The following APBA3 variants were observed in gnomAD, a reference collection of about 807,000 sequenced individuals.
The protein encoded by APBA3 is amyloid-beta A4 precursor protein-binding family A member 3.
APBA3 carries 45 observed loss-of-function variants against 55.9 expected under a neutral mutation model. That is an observed-to-expected ratio of 0.80 (90% CI 0.63 to 1.03). The LOEUF is 1.03. Among genes scored for constraint, APBA3 ranks in the 50% least tolerant of loss-of-function variants. The pLI, the probability that APBA3 is intolerant of heterozygous loss-of-function variation, is 0.00. For synonymous variants in APBA3, 370 were observed against 353.3 expected, an observed-to-expected ratio of 1.05 and a Z score of -0.53; for missense variants, 865 against 820.3, an observed-to-expected ratio of 1.05 and a Z score of -0.67.
chr19:3,760,288 G>C lies in APBA3; in HGVS notation c.-24C>G. 1.9e-6 allele frequency: 3 copies of C among 1,558,318 alleles called. No individual in the cohort carries two copies. Among genetic ancestry groups the C allele is most frequent in the South Asian group, 1.2e-5 (1 of 86,362 alleles). Reference sequence around the variant, plus strand: ...ATGCCTGGACTCCAGGCTTAGGCCGGCATCTTCAGGCAGCTGAAAGAGAGA... The same window carrying C: ...ATGCCTGGACTCCAGGCTTAGGCCGCCATCTTCAGGCAGCTGAAAGAGAGA... On this transcript the variant is annotated 5_prime_UTR_variant, in exon 2 of 11. Transcript: ENST00000316757.
Position 3,759,775 on chromosome 19 carries a change from C to T in APBA3, c.490G>A (p.Gly164Ser). Reference sequence around the variant, plus strand: ...GGGGAACTGCTTGAGCTCCTGCTGCCCTCCTGCTCAGCAGAGGCCCCCTCC... The same window carrying T: ...GGGGAACTGCTTGAGCTCCTGCTGCTCTCCTGCTCAGCAGAGGCCCCCTCC... The part of the protein sequence containing the change: ...WVEGASAEQE[G>S]SRSSSSSPEP... The change falls in exon 2 of 11, where the codon GGC (glycine) becomes AGC (serine). Residue 164 changes from glycine (G) to serine (S), a missense_variant. Physicochemically the swap from Gly to Ser is moderately conservative, Grantham distance 56 (BLOSUM62 0). Coordinates refer to ENST00000316757, the MANE Select transcript of APBA3 (RefSeq NM_004886.4). 6.2e-7 allele frequency: 1 copy of T among 1,612,650 alleles called. No individual in the cohort carries two copies. Among genetic ancestry groups the T allele is most frequent in the Non-Finnish European group, 8.5e-7 (1 of 1,179,834 alleles).
chr19:3,750,907 A>G lies in APBA3; in HGVS notation c.*119T>C, dbSNP rs939833438. 2.0e-5 allele frequency: 25 copies of G among 1,237,330 alleles called. No homozygotes were observed. In the South Asian group the frequency reaches 2.8e-4, roughly 14 times the overall value. The allele number at this position is 1,237,330 out of a possible 1,614,324, so 76.6% of individuals were successfully genotyped here. A position where few individuals can be genotyped will look rare whatever the true frequency, so the allele number is the denominator to read the frequency against. Reference sequence around the variant, plus strand: ...AAATGCATAAGCTTTTACTGTTTTTATATTAGGAAATCATACAGGACCAAG... The same window carrying G: ...AAATGCATAAGCTTTTACTGTTTTTGTATTAGGAAATCATACAGGACCAAG... On this transcript the variant is annotated 3_prime_UTR_variant, in exon 11 of 11. Coordinates refer to ENST00000316757, the MANE Select transcript of APBA3 (RefSeq NM_004886.4).
chr19:3,751,855 G>A (rs1158444775), intron 8 of APBA3: 3 of 396,342 alleles, frequency 7.6e-6, no homozygotes, highest in South Asian at 3.3e-5. Flanking sequence ...TTCCTCTGAC[G>A]GGGGCAGGTC....
intron 3 of APBA3, 29 bp from the exon 4 acceptor site, chr19:3,754,369 C>T (rs772000097): frequency 1.3e-6 from 2 of 1,540,304 alleles, no homozygotes; most frequent in Non-Finnish European, 8.7e-7. Flanking sequence ...AGGGTCGGCC[C>T]CCAGGGGCCC....
chr19:3,755,570 G>C (rs1031706450), intron 3 of APBA3: 4 of 138,534 alleles, frequency 2.9e-5, no homozygotes, highest in Non-Finnish European at 4.8e-5. Context: ...GGGGGGGGGG[G>C]GTGGATCACC....
intron 3 of APBA3, chr19:3,755,637 A>G (rs1316446006): frequency 6.7e-6 from 1 of 149,696 alleles, no homozygotes; most frequent in Non-Finnish European, 1.5e-5. Flanking sequence ...GTCTCTACTA[A>G]AAATACAAAA....
chr19:3,753,721 T>A, intron 6 of APBA3, 44 bp downstream of exon 6: 5 of 1,450,140 alleles, frequency 3.4e-6, no homozygotes, highest in Non-Finnish European at 3.6e-6. Context: ...ACAGTTGCAG[T>A]GAGGAGGGCC....
intron 3 of APBA3, chr19:3,754,993 A>T (rs141253613): frequency 6.6e-6 from 1 of 152,288 alleles, no homozygotes; most frequent in Non-Finnish European, 1.5e-5. Flanking sequence ...AAACCTCCAC[A>T]ACATTCTAGA....
chr19:3,752,669 A>G lies in APBA3; in HGVS notation c.1234T>C (p.Ser412Pro). The change falls in exon 8 of 11, where the codon TCG becomes CCG. Residue 412 changes from serine to proline, a missense_variant. Physicochemically the swap from Ser to Pro is moderately conservative, Grantham distance 74. Transcript: ENST00000316757. ...GTGGGCAGCAGGGAGCCCCAGCCCG[A>G]CTCCACCAGGGCCACGCCCAGGCCC... ...GEGLGVALVE[S>P]GWGSLLPTAV... 1 of 1,592,264 alleles carries G rather than the reference A, an allele frequency of 6.3e-7. No homozygotes were observed. Among genetic ancestry groups the G allele is most frequent in the South Asian group, 1.1e-5 (1 of 89,756 alleles).
rs758290462 is a variant in APBA3 at position 3,751,004 on chromosome 19, T to C, written c.*22A>G. The C allele has an allele frequency of 6.4e-7, 1 of 1,554,558 alleles. No individual in the cohort carries two copies. The highest frequency in any genetic ancestry group is 1.2e-5 in the South Asian group (1 of 84,324). Reference sequence around the variant, plus strand: ...CGGGGCCATGGAGGCGAAGGCACAGTGGCAGGCAAGGGATGAGGTGGTCAC... The same window carrying C: ...CGGGGCCATGGAGGCGAAGGCACAGCGGCAGGCAAGGGATGAGGTGGTCAC... On this transcript the variant is annotated 3_prime_UTR_variant, in exon 11 of 11. Coordinates refer to ENST00000316757, the MANE Select transcript of APBA3 (RefSeq NM_004886.4).
rs543840854 is a variant in APBA3, at chr19:3,751,235, G to A, written c.1610C>T (p.Thr537Met). 17 of 1,548,012 alleles carry A rather than the reference G, an allele frequency of 1.1e-5. No homozygotes were observed. The South Asian group carries it at 1.5e-4, about 14-fold the overall frequency. ...IEINGQSVVATPHARIIELLT... is the reference protein window; with the variant it reads ...IEINGQSVVAMPHARIIELLT... Reference sequence around the variant, plus strand: ...CAGCTCGATGATGCGGGCGTGTGGCGTGGCCACCACACTCTGCCCATTGAT... The same window carrying A: ...CAGCTCGATGATGCGGGCGTGTGGCATGGCCACCACACTCTGCCCATTGAT... Residue 537 changes from threonine (T) to methionine (M), a missense_variant, in exon 10 of 11, where the codon ACG (threonine) becomes ATG (methionine). By Grantham distance (81) the Thr-to-Met change is moderately conservative. Coordinates refer to ENST00000316757, the MANE Select transcript of APBA3 (RefSeq NM_004886.4).
rs199580985 is a variant in APBA3, at chr19:3,751,037, C to T, written c.1717G>A (p.Val573Met). The change falls in exon 11 of 11, where the codon GTG (valine) becomes ATG (methionine). Residue 573 changes from valine to methionine, a missense_variant. Physicochemically the swap from Val to Met is conservative, Grantham distance 21. Coordinates refer to ENST00000316757, the MANE Select transcript of APBA3 (RefSeq NM_004886.4). ...YRLLTGQEQP[V>M]YL ...AAGGGATGAGGTGGTCACAGGTACACGGGCTGCTCCTGGCCTGTAAGGAGG... is the reference window on the plus strand; with the variant it reads ...AAGGGATGAGGTGGTCACAGGTACATGGGCTGCTCCTGGCCTGTAAGGAGG... 3.2e-5 allele frequency: 50 copies of T among 1,560,678 alleles called. No homozygotes were observed. The highest frequency in any genetic ancestry group is 5.9e-5 in the South Asian group (5 of 84,696).
intron 3 of APBA3, chr19:3,754,605 G>A: frequency 2.2e-6 from 1 of 460,128 alleles, no homozygotes; most frequent in Non-Finnish European, 3.8e-6. Context: ...GCCAGATCTA[G>A]CACCCACAGA....
Position 3,751,537 on chromosome 19 carries a change from G to A in APBA3, c.1412C>T (p.Thr471Met), listed in dbSNP as rs754594706. 198 of 1,590,794 alleles carry A rather than the reference G, an allele frequency of 1.2e-4. No homozygotes were observed. The highest frequency in any genetic ancestry group is 1.8e-4 in the East Asian group (8 of 43,896). The change falls in exon 9 of 11, where the codon ACG becomes ATG. Residue 471 changes from threonine (T) to methionine (M), a missense_variant. Coordinates refer to ENST00000316757, the MANE Select transcript of APBA3 (RefSeq NM_004886.4). The part of the protein sequence containing the change: ...QAAVRETKSQ[T>M]SVTLSIVHCP... ...GTGGACGATGCTGAGTGTCACCGAC[G>A]TCTGCGACTTCGTCTCCTGTGGGGC...
chr19:3,758,394 G>A (rs2037104190), intron 3 of APBA3, among the ~76,000 whole-genome samples: 1 of 151,910 alleles, frequency 6.6e-6, no homozygotes, highest in Admixed American at 6.6e-5. Context: ...GAGTAGCTGG[G>A]ACTACAGGCA....
In APBA3 at chr19:3,754,049, C is replaced by T. The variant is rs1647409370; in HGVS notation, c.819G>A (p.Lys273=). 1 of 1,611,206 alleles carries T rather than the reference C, an allele frequency of 6.2e-7. No individual in the cohort carries two copies. The highest frequency in any genetic ancestry group is 8.5e-7 in the Non-Finnish European group (1 of 1,178,840). ...AGTCCGCTGTCAAGACCTTGATCCT[C>T]TTGGTGGAGACGAACAGGTCCACCT... ...MTEVDLFVST[K]RIKVLTADSQ... The change falls in exon 5 of 11, where the codon AAG becomes AAA. Residue 273 remains lysine (K), a synonymous_variant. Coordinates refer to ENST00000316757, the MANE Select transcript of APBA3 (RefSeq NM_004886.4).
intron 6 of APBA3, 108 bp downstream of exon 6, chr19:3,753,657 T>G: frequency 3.4e-6 from 4 of 1,163,050 alleles, no homozygotes; most frequent in Non-Finnish European, 4.6e-6. Flanking sequence ...AAAAAAGAAT[T>G]TAAAAATAAG....
At chr19:3,753,568 C>A in intron 6 of APBA3, 197 bp downstream of exon 6, 1 of 556,514 alleles carries the variant, frequency 1.8e-6, no homozygotes, top group Non-Finnish European at 3.1e-6. Flanking sequence ...ATCGCTTGAG[C>A]CTGGAAGGTT....
rs1429505753 is a variant in APBA3, at chr19:3,753,003, G to T, written c.1012-13C>A. ...CGATGAGCTGGGCCTGCGGGGAGGA[G>T]TGGCGCGTCCCTGGGGTGTCCCACC... On this transcript the variant is annotated splice_polypyrimidine_tract_variant and intron_variant, in intron 6 of 10. Transcript: ENST00000316757. The T allele has an allele frequency of 6.2e-7, 1 of 1,608,806 alleles. No homozygotes were observed. Among genetic ancestry groups the T allele is most frequent in the African/African-American group, 1.3e-5 (1 of 75,040 alleles).
Sources: gnomAD v4.1 joint callset for allele counts (sites outside exome capture counted in the v4.1 genomes callset) on GRCh38, gnomAD v4.1.1 for gene constraint, MANE v1.5 for transcripts, NCBI Gene and HGNC (gene_info 2026-07-23, HGNC 2026-07-21) for gene names.